ADAMTSL1: variants seen among roughly 807,000 people sequenced by gnomAD.
The protein encoded by ADAMTSL1 is ADAMTS like 1, also known as ADAMTS-like protein 1.
A neutral mutation model predicts 201.8 loss-of-function variants in ADAMTSL1; 126 were observed. That is an observed-to-expected ratio of 0.62 (90% CI 0.54 to 0.72). The LOEUF (loss-of-function observed/expected upper bound fraction) is 0.72. ADAMTSL1 is among the 30% of genes least tolerant of loss of function. ADAMTSL1 has a pLI of 0.00. For synonymous variants in ADAMTSL1, 1,121 were observed against 903.4 expected, an observed-to-expected ratio of 1.24 and a Z score of -4.32; for missense variants, 2,679 against 2,277.8, an observed-to-expected ratio of 1.18 and a Z score of -3.59.
intron 9 of ADAMTSL1, among the ~76,000 whole-genome samples, chr9:18,664,528 A>G (rs1484146060): frequency 6.6e-6 from 1 of 152,154 alleles, no homozygotes; most frequent in Non-Finnish European, 1.5e-5. Flanking sequence ...TTAATTTCAA[A>G]AGAAATTTAT....
intron 2 of ADAMTSL1, among the ~76,000 whole-genome samples, chr9:18,191,046 G>A (rs1828948105): frequency 1.3e-5 from 2 of 152,144 alleles, no homozygotes; most frequent in Non-Finnish European, 2.9e-5. Flanking sequence ...TTTTTACAGT[G>A]GTAAAGGGAA....
At chr9:18,576,306 C>T (rs890543872) in intron 4 of ADAMTSL1, among the ~76,000 whole-genome samples, 3 of 151,984 alleles carry the variant, frequency 2.0e-5, no homozygotes, top group African/African-American at 7.2e-5. Context: ...GGCTGGAGAG[C>T]CAGATAAGAC....
intron 26 of ADAMTSL1, among the ~76,000 whole-genome samples, chr9:18,896,727 G>T (rs1334686857): frequency 6.6e-6 from 1 of 152,160 alleles, no homozygotes; most frequent in East Asian, 1.9e-4. Flanking sequence ...TGCAATCAGT[G>T]GATCAGGAGA....
At chr9:18,739,337 T>C (rs1818691409) in intron 15 of ADAMTSL1, among the ~76,000 whole-genome samples, 1 of 152,220 alleles carries the variant, frequency 6.6e-6, no homozygotes, top group Non-Finnish European at 1.5e-5. Context: ...GTTCTTGACA[T>C]TATGCTCACA....
chr9:18,168,844 T>A lies in ADAMTSL1; in HGVS notation c.207+4863T>A, dbSNP rs931512538. 8.0e-4 allele frequency among the ~76,000 whole-genome samples: 120 copies of A among 150,252 alleles called. 1 individual carries two copies. Among genetic ancestry groups the A allele is most frequent in the Non-Finnish European group, 9.4e-4 (63 of 67,304 alleles). ...TAACTGGTGTGAGATGGTATCTCAT[T>A]GTGGTTTTGATTTGCATTTCTCTGA... On this transcript the variant is annotated intron_variant, in intron 2 of 29. Coordinates refer to the ADAMTSL1 transcript ENST00000680146.
chr9:18,300,680 G>T (rs770623900), intron 2 of ADAMTSL1, among the ~76,000 whole-genome samples: 16 of 152,012 alleles, frequency 1.1e-4, no homozygotes, highest in Non-Finnish European at 2.2e-4. Context: ...CCTAAAACTA[G>T]GGAGTGAAAA....
intron 7 of ADAMTSL1, among the ~76,000 whole-genome samples, chr9:18,646,227 G>C (rs1474391818): frequency 6.6e-6 from 1 of 151,906 alleles, no homozygotes; most frequent in East Asian, 1.9e-4. Flanking sequence ...TGTGATTTTT[G>C]TACATTGATT....
chr9:18,599,031 C>T (rs10810992), intron 4 of ADAMTSL1, among the ~76,000 whole-genome samples: 32,108 of 152,070 alleles, frequency 0.21, 4,030 homozygotes, highest in East Asian at 0.46. Flanking sequence ...TCTGTCTCCT[C>T]CCTACTCCTG....
chr9:18,655,205 T>C (rs1231819860), intron 7 of ADAMTSL1, among the ~76,000 whole-genome samples: 5 of 152,226 alleles, frequency 3.3e-5, no homozygotes, highest in Non-Finnish European at 7.3e-5. Flanking sequence ...TTATACTATC[T>C]CCTTGATTCC....
chr9:18,655,360 G>C (rs947523675), intron 7 of ADAMTSL1, among the ~76,000 whole-genome samples: 1 of 152,072 alleles, frequency 6.6e-6, no homozygotes, highest in Non-Finnish European at 1.5e-5. Flanking sequence ...TCATTATGTT[G>C]AATTAGAAAC....
At chr9:18,880,283 G>A (rs1828447148) in intron 23 of ADAMTSL1, among the ~76,000 whole-genome samples, 1 of 152,152 alleles carries the variant, frequency 6.6e-6, no homozygotes, top group African/African-American at 2.4e-5. Context: ...CTAGAATGAT[G>A]AATCCTTTCC....
At chr9:18,241,947 T>A (rs1009603944) in intron 2 of ADAMTSL1, among the ~76,000 whole-genome samples, 14 of 152,024 alleles carry the variant, frequency 9.2e-5, no homozygotes, top group Admixed American at 2.6e-4. Flanking sequence ...TAAGAAAAAT[T>A]AATACCAATA....
intron 2 of ADAMTSL1, among the ~76,000 whole-genome samples, chr9:18,312,777 T>C (rs1834206107): frequency 6.6e-6 from 1 of 152,116 alleles, no homozygotes; most frequent in African/African-American, 2.4e-5. Context: ...CAACAAAAAC[T>C]CTCTGCAAAG....
intron 1 of ADAMTSL1, among the ~76,000 whole-genome samples, chr9:17,938,333 G>A (rs1214280777): frequency 6.6e-6 from 1 of 152,088 alleles, no homozygotes; most frequent in African/African-American, 2.4e-5. Flanking sequence ...TGAATTTCAT[G>A]TAATTTGAGT....
chr9:18,866,388 C>G (rs1416230615), intron 23 of ADAMTSL1, among the ~76,000 whole-genome samples: 4 of 152,042 alleles, frequency 2.6e-5, no homozygotes, highest in African/African-American at 9.7e-5. Context: ...CTGAGAATAC[C>G]AATTCTGAAC....
chr9:18,599,964 A>C (rs921568565), intron 4 of ADAMTSL1, among the ~76,000 whole-genome samples: 22 of 146,228 alleles, frequency 1.5e-4, no homozygotes, highest in Non-Finnish European at 1.6e-4. Context: ...CATCCTGGCT[A>C]ACATGGTGAA....
At chr9:17,917,505 T>C (rs1217737416) in intron 1 of ADAMTSL1, among the ~76,000 whole-genome samples, 9 of 152,048 alleles carry the variant, frequency 5.9e-5, no homozygotes, top group Admixed American at 5.9e-4. Flanking sequence ...TTCACTGATA[T>C]TTGAATGTTC....
chr9:18,898,661 A>G lies in ADAMTSL1; in HGVS notation c.4851+6065A>G, dbSNP rs571576755. On this transcript the variant is annotated intron_variant, in intron 26 of 28. Coordinates refer to ENST00000380548, the MANE Select transcript of ADAMTSL1 (RefSeq NM_001040272.6). ...CATCCCTGGGATATAAGGTTGGGTC[A>G]ATAAATGTCATTCCTCACATAAGAA... 3.3e-5 allele frequency among the ~76,000 whole-genome samples: 5 copies of G among 152,344 alleles called. No individual in the cohort carries two copies. The East Asian group carries it at 9.7e-4, about 29-fold the overall frequency.
At chr9:18,246,227 G>T (rs1486328696) in intron 2 of ADAMTSL1, among the ~76,000 whole-genome samples, 1 of 152,050 alleles carries the variant, frequency 6.6e-6, no homozygotes, top group African/African-American at 2.4e-5. Context: ...CAAATATATT[G>T]CATTTAGAAG....
Sources: gnomAD v4.1 joint callset for allele counts (sites outside exome capture counted in the v4.1 genomes callset) on GRCh38, gnomAD v4.1.1 for gene constraint, MANE v1.5 for transcripts, NCBI Gene and HGNC (gene_info 2026-07-23, HGNC 2026-07-21) for gene names.